The following GANC variants were observed in gnomAD, a reference collection of about 807,000 sequenced individuals.
GANC encodes glucosidase alpha, neutral C, also known as neutral alpha-glucosidase C.
GANC carries 117 observed loss-of-function variants against 124.2 expected under a neutral mutation model. The ratio of observed to expected loss-of-function variants is 0.94; its 90% CI spans 0.81 to 1.10. The LOEUF is 1.10. GANC is among the 50% of genes least tolerant of loss of function. The pLI is 0.00. For missense variants in GANC, 1,140 were observed against 1,095.0 expected (o/e 1.04, Z -0.58); for synonymous variants, 377 against 376.8 (o/e 1.00, Z -0.01).
intron 6 of GANC, among the ~76,000 whole-genome samples, chr15:42,301,306 T>C (rs2051943918): frequency 6.6e-6 from 1 of 152,154 alleles, no homozygotes; most frequent in Admixed American, 6.5e-5. Flanking sequence ...GAGACTGTGC[T>C]GTGAGGAATG....
chr15:42,337,391 G>C (rs548297621), intron 15 of GANC, among the ~76,000 whole-genome samples: 1 of 152,190 alleles, frequency 6.6e-6, no homozygotes, highest in East Asian at 1.9e-4. Flanking sequence ...ATATGAATGA[G>C]ATCATGCCCT....
chr15:42,325,990 T>C (rs1466918819), intron 11 of GANC, among the ~76,000 whole-genome samples: 1 of 152,240 alleles, frequency 6.6e-6, no homozygotes, highest in Non-Finnish European at 1.5e-5. Flanking sequence ...ACTCCTGGCC[T>C]TAAGCAGTCC....
In GANC at chr15:42,327,438, A is replaced by G. The variant is rs1177406427; in HGVS notation, c.1496A>G (p.Tyr499Cys). Residue 499 changes from tyrosine (Y) to cysteine (C), a missense_variant, in exon 13 of 24, where the codon TAT becomes TGT. Transcript: ENST00000318010. ...WYSSLFAFPV[Y>C]QGSTDILFLW... ...TCAAGTCTTTTTGCTTTCCCTGTTT[A>G]TCAGGTTGGTTTTTATTCCTTTGTT... 2 of 1,612,448 alleles carry G rather than the reference A, an allele frequency of 1.2e-6. No homozygotes were observed. The highest frequency in any genetic ancestry group is 1.7e-6 in the Non-Finnish European group (2 of 1,178,892).
chr15:42,332,168 A>G (rs578009193), intron 15 of GANC, among the ~76,000 whole-genome samples: 2 of 152,306 alleles, frequency 1.3e-5, no homozygotes, highest in African/African-American at 4.8e-5. Flanking sequence ...CAATTTTATA[A>G]AAGATTAATG....
At chr15:42,329,644 ATGATGAACT>A in intron 14 of GANC, 195 bp downstream of exon 14, 1 of 461,108 alleles carries the variant, frequency 2.2e-6, no homozygotes, top group South Asian at 5.5e-5. Context: ...TTTTCTTTTC[ATGATGAACT>A]TGATGAACTT....
At chr15:42,334,724 G>C (rs1035311806) in intron 15 of GANC, among the ~76,000 whole-genome samples, 6 of 145,440 alleles carry the variant, frequency 4.1e-5, no homozygotes, top group African/African-American at 1.5e-4. Flanking sequence ...ATAATAATAA[G>C]AAAGACAACC....
Position 42,310,334 on chromosome 15 carries a change from A to G in GANC, c.774A>G (p.Ile258Met), listed in dbSNP as rs756710682. Residue 258 changes from isoleucine to methionine, a missense_variant, in exon 9 of 24, where the codon ATA becomes ATG. Ile to Met is a conservative substitution (Grantham distance 10). Coordinates refer to ENST00000318010, the MANE Select transcript of GANC (RefSeq NM_198141.3). ...ACCTGGATGTCTATGGATACCAAAT[A>G]TATGATAAAATGGGCATTTATGGTT... is the stretch of plus-strand genomic sequence containing the variant. Reference protein sequence around the residue: ...LYNLDVYGYQIYDKMGIYGSV... With the variant: ...LYNLDVYGYQMYDKMGIYGSV... The G allele has an allele frequency of 2.5e-5, 41 of 1,613,248 alleles. No homozygotes were observed. The highest frequency in any genetic ancestry group is 3.1e-5 in the Non-Finnish European group (36 of 1,179,466).
chr15:42,300,338 C>G (rs1044499504), intron 6 of GANC, among the ~76,000 whole-genome samples: 4 of 152,044 alleles, frequency 2.6e-5, no homozygotes, highest in African/African-American at 9.7e-5. Flanking sequence ...ATGTGGCCAA[C>G]AAACATGAAA....
intron 8 of GANC, 71 bp from the exon 9 acceptor site, chr15:42,310,212 T>G: frequency 8.6e-7 from 1 of 1,161,038 alleles, no homozygotes. Context: ...GAGAGAAGAG[T>G]AGAGCTGTTC....
At chr15:42,324,087 C>CA (rs1291701976) in intron 11 of GANC, among the ~76,000 whole-genome samples, 197 of 146,806 alleles carry the variant, frequency 1.3e-3, no homozygotes, top group African/African-American at 4.2e-3. Context: ...AACTCAGCAA[C>CA]AACAAAAAAA....
chr15:42,333,195 G>T (rs2052260093), intron 15 of GANC, among the ~76,000 whole-genome samples: 3 of 151,642 alleles, frequency 2.0e-5, no homozygotes, highest in Non-Finnish European at 4.4e-5. Context: ...AGGCATAGTG[G>T]CACATGCCTG....
chr15:42,310,561 C>T, intron 9 of GANC, 98 bp downstream of exon 9: 3 of 1,459,514 alleles, frequency 2.1e-6, no homozygotes, highest in Non-Finnish European at 2.8e-6. Flanking sequence ...ACTTCTCTGC[C>T]AACAAAAGCT....
chr15:42,336,194 A>G (rs1469492474), intron 15 of GANC, among the ~76,000 whole-genome samples: 4 of 152,178 alleles, frequency 2.6e-5, no homozygotes, highest in Non-Finnish European at 5.9e-5. Flanking sequence ...CTAAGCAAAA[A>G]GAACAAAGCA....
chr15:42,352,118 C>G lies in GANC; in HGVS notation c.2724C>G (p.Asp908Glu). 6.2e-7 allele frequency: 1 copy of G among 1,614,200 alleles called. No individual in the cohort carries two copies. The highest frequency in any genetic ancestry group is 8.5e-7 in the Non-Finnish European group (1 of 1,180,030). The change falls in exon 24 of 24, where the codon GAC (aspartate) becomes GAG (glutamate). Residue 908 changes from aspartate (D) to glutamate (E), a missense_variant. Coordinates refer to ENST00000318010, the MANE Select transcript of GANC (RefSeq NM_198141.3). ...LEKLSLNIAT[D>E]WEVRII ...AGCTCTCACTCAACATTGCCACTGA[C>G]TGGGAGGTCCGCATCATATGACAAA...
Position 42,274,271 on chromosome 15 carries a change from A to C in GANC, c.-211A>C. On this transcript the variant is annotated 5_prime_UTR_variant, in exon 1 of 24. Coordinates refer to ENST00000318010, the MANE Select transcript of GANC (RefSeq NM_198141.3). ...TCAAGACAAATTTGCCAAATAAATC[A>C]TTGTAGAAACGCTAGTTTGGGCCTG... 3.4e-6 allele frequency: 2 copies of C among 591,420 alleles called. No individual in the cohort carries two copies. Among genetic ancestry groups the C allele is most frequent in the Non-Finnish European group, 3.0e-6 (1 of 332,476 alleles). 36.6% of individuals were successfully genotyped at this position (591,420 alleles called of 1,614,324 possible).
intron 10 of GANC, among the ~76,000 whole-genome samples, chr15:42,319,971 G>A (rs2052142591): frequency 1.3e-5 from 2 of 152,084 alleles, no homozygotes; most frequent in Admixed American, 1.3e-4. Context: ...ATCACCTAAT[G>A]TCGGGAGTTT....
In GANC at chr15:42,276,332, A is replaced by G. The variant is rs1468541419; in HGVS notation, c.30-16A>G. On this transcript the variant is annotated splice_polypyrimidine_tract_variant and intron_variant, in intron 1 of 23. Coordinates refer to ENST00000318010, the MANE Select transcript of GANC (RefSeq NM_198141.3). ...CCCTGTGTGAAATAAATTTCTCAAA[A>G]TGTCTTTTTATTTAGTCTTGAAGAT... is the stretch of plus-strand genomic sequence containing the variant. The G allele has an allele frequency of 8.2e-7, 1 of 1,225,596 alleles. No individual in the cohort carries two copies. Among genetic ancestry groups the G allele is most frequent in the Non-Finnish European group, 1.2e-6 (1 of 831,062 alleles). The allele number at this position is 1,225,596 out of a possible 1,614,324, so 75.9% of individuals were successfully genotyped here.
chr15:42,314,033 G>T (rs2052080786), intron 10 of GANC: 1 of 699,970 alleles, frequency 1.4e-6, no homozygotes, highest in African/African-American at 1.8e-5. Context: ...AAATGAATTT[G>T]GACAGAGTAG....
intron 10 of GANC, chr15:42,314,543 AAGAAT>A (rs2052086370): frequency 4.3e-6 from 1 of 230,862 alleles, no homozygotes; most frequent in Non-Finnish European, 8.6e-6. Flanking sequence ...AGTAAAATGA[AAGAAT>A]AGACACTAAA....
Sources: gnomAD v4.1 joint callset for allele counts (sites outside exome capture counted in the v4.1 genomes callset) on GRCh38, gnomAD v4.1.1 for gene constraint, MANE v1.5 for transcripts, NCBI Gene and HGNC (gene_info 2026-07-23, HGNC 2026-07-21) for gene names.